NEGR1: variants seen among roughly 807,000 people sequenced by gnomAD.
NEGR1 encodes the protein IgLON family member 4.
Under a neutral mutation model 40.9 loss-of-function variants are expected in NEGR1, and 10 were observed. That is an observed-to-expected ratio of 0.24 (90% CI 0.15 to 0.42). The LOEUF is 0.42. NEGR1 is among the 10% of genes least tolerant of loss of function. The probability of loss-of-function intolerance (pLI) is 1.00; values close to 1 mark genes in which losing one functional copy is unlikely to be tolerated. For missense variants in NEGR1, 352 were observed against 438.9 expected, an observed-to-expected ratio of 0.80 and a Z score of 1.77; for synonymous variants, 185 against 166.8, an observed-to-expected ratio of 1.11 and a Z score of -0.84.
intron 3 of NEGR1, among the ~76,000 whole-genome samples, chr1:71,767,613 A>G (rs1042564243): frequency 2.0e-5 from 3 of 152,214 alleles, no homozygotes; most frequent in African/African-American, 7.2e-5. Flanking sequence ...GTAGGTAGAA[A>G]AGTAAAGCCC....
intron 2 of NEGR1, among the ~76,000 whole-genome samples, chr1:71,860,894 A>G (rs1329863724): frequency 6.6e-6 from 1 of 152,070 alleles, no homozygotes; most frequent in African/African-American, 2.4e-5. Context: ...TTATTTTTAT[A>G]GAATAGCACA....
chr1:71,595,006 AAATT>A, intron 5 of NEGR1, among the ~76,000 whole-genome samples: 1 of 152,336 alleles, frequency 6.6e-6, no homozygotes, highest in East Asian at 1.9e-4. Flanking sequence ...TTGAGGAAGT[AAATT>A]CAGACACTCC....
intron 1 of NEGR1, among the ~76,000 whole-genome samples, chr1:72,276,704 C>A (rs34020954): frequency 6.6e-6 from 1 of 151,974 alleles, no homozygotes; most frequent in Non-Finnish European, 1.5e-5. Context: ...CCAGTGCTGG[C>A]GAGCAACACT....
chr1:71,917,779 TAAA>T (rs79120253), intron 2 of NEGR1, among the ~76,000 whole-genome samples: 5 of 120,432 alleles, frequency 4.2e-5, no homozygotes, highest in East Asian at 2.4e-4. Context: ...GACTCCGTCT[TAAA>T]AAAAAAAAAA....
At chr1:71,568,875 T>C (rs1648718915) in intron 6 of NEGR1, among the ~76,000 whole-genome samples, 1 of 151,430 alleles carries the variant, frequency 6.6e-6, no homozygotes, top group African/African-American at 2.4e-5. Flanking sequence ...TGTATACGTA[T>C]ATATTAAAGT....
chr1:71,612,526 A>T (rs1309829050), intron 4 of NEGR1, among the ~76,000 whole-genome samples: 1 of 151,432 alleles, frequency 6.6e-6, no homozygotes, highest in Non-Finnish European at 1.5e-5. Context: ...ATGGGGTAAC[A>T]AATGGGGAGA....
intron 1 of NEGR1, among the ~76,000 whole-genome samples, chr1:71,987,603 G>T (rs1646406781): frequency 6.6e-6 from 1 of 152,152 alleles, no homozygotes; most frequent in Non-Finnish European, 1.5e-5. Context: ...TTATTTGATT[G>T]CATGGGGTTA....
At chr1:71,691,824 A>G (rs1653292380) in intron 4 of NEGR1, among the ~76,000 whole-genome samples, 1 of 150,876 alleles carries the variant, frequency 6.6e-6, no homozygotes, top group Non-Finnish European at 1.5e-5. Context: ...CATAACTCTT[A>G]TGAAGCTAAG....
intron 1 of NEGR1, among the ~76,000 whole-genome samples, chr1:71,952,250 A>G (rs1646077189): frequency 6.6e-6 from 1 of 152,014 alleles, no homozygotes; most frequent in Non-Finnish European, 1.5e-5. Flanking sequence ...TGGTGAATGT[A>G]AAGCTAAAGT....
At chr1:72,152,479 T>G (rs72939396) in intron 1 of NEGR1, among the ~76,000 whole-genome samples, 7,313 of 151,570 alleles carry the variant, frequency 0.048, 597 homozygotes, top group African/African-American at 0.17. Flanking sequence ...AAAACAAGAG[T>G]TGTTGTTGAT....
intron 6 of NEGR1, among the ~76,000 whole-genome samples, chr1:71,556,630 TAC>T (rs71965942): frequency 1.5e-3 from 216 of 147,514 alleles, no homozygotes; most frequent in African/African-American, 4.0e-3. Flanking sequence ...ATTTTGTAAT[TAC>T]ACACACACAC....
intron 4 of NEGR1, among the ~76,000 whole-genome samples, chr1:71,641,705 T>C (rs1651359384): frequency 6.6e-6 from 1 of 151,998 alleles, no homozygotes; most frequent in African/African-American, 2.4e-5. Flanking sequence ...GAACCAGTCA[T>C]GCATAATGCA....
chr1:72,233,647 G>A (rs1485506540), intron 1 of NEGR1, among the ~76,000 whole-genome samples: 1 of 152,100 alleles, frequency 6.6e-6, no homozygotes, highest in Non-Finnish European at 1.5e-5. Flanking sequence ...TGGCTACATA[G>A]TATTCTAGGA....
At chr1:71,763,831 CACTT>C (rs1452098999) in intron 3 of NEGR1, among the ~76,000 whole-genome samples, 1 of 151,830 alleles carries the variant, frequency 6.6e-6, no homozygotes, top group Non-Finnish European at 1.5e-5. Context: ...GGAAAAAAAA[CACTT>C]GCTTGTGTGA....
chr1:71,764,532 C>T (rs566019932), intron 3 of NEGR1, among the ~76,000 whole-genome samples: 18 of 151,914 alleles, frequency 1.2e-4, no homozygotes, highest in Non-Finnish European at 2.5e-4. Context: ...AAGTTCAAAA[C>T]GGGTCATAAA....
chr1:72,147,621 C>A (rs79086124), intron 1 of NEGR1, among the ~76,000 whole-genome samples: 1 of 152,020 alleles, frequency 6.6e-6, no homozygotes, highest in African/African-American at 2.4e-5. Context: ...CTTAGTATTT[C>A]AGCATTAATC....
intron 2 of NEGR1, among the ~76,000 whole-genome samples, chr1:71,920,347 T>G (rs1339416667): frequency 2.0e-5 from 3 of 152,160 alleles, no homozygotes; most frequent in African/African-American, 7.2e-5. Context: ...TAGCTCCTCA[T>G]TGAGCTCTGA....
chr1:71,758,987 T>C (rs57328405), intron 3 of NEGR1, among the ~76,000 whole-genome samples: 5,148 of 152,282 alleles, frequency 0.034, 242 homozygotes, highest in African/African-American at 0.11. Context: ...CAAATTAACA[T>C]CATGCTGTTT....
At chr1:71,872,945 A>C (rs572920295) in intron 2 of NEGR1, among the ~76,000 whole-genome samples, 6 of 152,120 alleles carry the variant, frequency 3.9e-5, no homozygotes, top group African/African-American at 1.4e-4. Flanking sequence ...ATGGCATAGG[A>C]AGTTAGCGGA....
Sources: gnomAD v4.1 joint callset for allele counts (sites outside exome capture counted in the v4.1 genomes callset) on GRCh38, gnomAD v4.1.1 for gene constraint, MANE v1.5 for transcripts, NCBI Gene and HGNC (gene_info 2026-07-23, HGNC 2026-07-21) for gene names.